The following PGK1 variants were observed in gnomAD, a reference collection of about 807,000 sequenced individuals.
PGK1 encodes the protein phosphoglycerate kinase 1, also known as PRP 2.
PGK1 carries 3 observed loss-of-function variants against 26.9 expected under a neutral mutation model. The ratio of observed to expected loss-of-function variants is 0.11; its 90% CI spans 0.05 to 0.29. PGK1 has a LOEUF of 0.29. PGK1 is among the 10% of genes least tolerant of loss of function. The pLI is 1.00. For missense variants in PGK1, 270 were observed against 314.7 expected (o/e 0.86, Z 1.07); for synonymous variants, 125 against 115.3 (o/e 1.08, Z -0.54).
At position 78,107,491 on chromosome X, in the gene PGK1, AT is replaced by A. The variant is rs782071524; in HGVS notation, c.66-2375del. On this transcript the variant is annotated intron_variant, in intron 1 of 10. Transcript: ENST00000373316. Reference sequence around the variant, plus strand: ...TACTATACAGATTGAATCACATGGTATATAACCTTTTGGGATTAACTTTTTT... The same window carrying A: ...TACTATACAGATTGAATCACATGGTAATAACCTTTTGGGATTAACTTTTTT... 1.7e-3 allele frequency among the ~76,000 whole-genome samples: 188 copies of A among 112,357 alleles called. 1 individual carries two copies. Among genetic ancestry groups the A allele is most frequent in the African/African-American group, 5.4e-3 (168 of 30,909 alleles).
chrX:78,106,191 A>G (rs1458367283), intron 1 of PGK1, among the ~76,000 whole-genome samples: 1 of 111,706 alleles, frequency 9.0e-6, no homozygotes, highest in African/African-American at 3.3e-5. Context: ...AAGCCTTGAA[A>G]TGATTGGCTA....
rs1204951685 is a variant in PGK1, at chrX:78,126,643, C to T, written c.*813C>T. 2.7e-5 allele frequency: 3 copies of T among 110,771 alleles called. No homozygotes were observed. Among genetic ancestry groups the T allele is most frequent in the Middle Eastern group, 9.3e-3 (2 of 214 alleles). 9.1% of individuals were successfully genotyped at this position (110,771 alleles called of 1,213,427 possible). A position where few individuals can be genotyped will look rare whatever the true frequency, so the allele number is the denominator to read the frequency against. On this transcript the variant is annotated 3_prime_UTR_variant, in exon 11 of 11. Transcript: ENST00000373316. ...CTAAGTAATATGCTTATATTGTTCA[C>T]TTCTTTTTTTTTTATTTTTTAAAGA...
chrX:78,125,721 G>A (rs2078380120), intron 10 of PGK1, 69 bp from the exon 11 acceptor site: 1 of 918,912 alleles, frequency 1.1e-6, no homozygotes, highest in East Asian at 3.1e-5. Flanking sequence ...GGAAGATAAA[G>A]TGGGGGAAAT....
At position 78,127,082 on chromosome X, in the gene PGK1, T is replaced by C. The variant is rs2078386887; in HGVS notation, c.*1252T>C. The C allele has an allele frequency of 8.9e-6, 1 of 112,693 alleles. No homozygotes were observed. Among genetic ancestry groups the C allele is most frequent in the Non-Finnish European group, 1.9e-5 (1 of 53,311 alleles). The allele number at this position is 112,693 out of a possible 1,213,427, so 9.3% of individuals were successfully genotyped here. On this transcript the variant is annotated 3_prime_UTR_variant, in exon 11 of 11. Coordinates refer to ENST00000373316, the MANE Select transcript of PGK1 (RefSeq NM_000291.4). ...AACCTTCTTGGGGATTTCTTTTACC[T>C]CCTGTGTTAGACTCCTGTTTTCTGG... is the stretch of plus-strand genomic sequence containing the variant.
At chrX:78,104,442 C>G (rs1569550708) in intron 1 of PGK1, 37 bp downstream of exon 1, 2 of 1,046,333 alleles carry the variant, frequency 1.9e-6, no homozygotes, top group Non-Finnish European at 2.7e-6. Context: ...TCTCTGTGCT[C>G]TGTCGCAAAC....
rs1557245942 is a variant in PGK1 at position 78,104,423 on chromosome X, C to T, written c.65+18C>T. On this transcript the variant is annotated intron_variant, in intron 1 of 10. Coordinates refer to ENST00000373316, the MANE Select transcript of PGK1 (RefSeq NM_000291.4). ...GTTATGAGGTAATTCTGCACGTTTGCCCGCGTGCTCTCTGTGCTCTGTCGC... is the reference window on the plus strand; with the variant it reads ...GTTATGAGGTAATTCTGCACGTTTGTCCGCGTGCTCTCTGTGCTCTGTCGC... The T allele has an allele frequency of 8.8e-7, 1 of 1,136,839 alleles. No homozygotes were observed. Among genetic ancestry groups the T allele is most frequent in the South Asian group, 1.8e-5 (1 of 54,986 alleles). The allele number at this position is 1,136,839 out of a possible 1,213,427, so 93.7% of individuals were successfully genotyped here.
intron 6 of PGK1, among the ~76,000 whole-genome samples, chrX:78,120,349 A>ATG (rs2078348194): frequency 1.1e-5 from 1 of 94,798 alleles, no homozygotes; most frequent in African/African-American, 4.1e-5. Flanking sequence ...ACACACACAC[A>ATG]TATATATACA....
chrX:78,123,181 G>A lies in PGK1; in HGVS notation c.757-14G>A, dbSNP rs200296998. On this transcript the variant is annotated splice_polypyrimidine_tract_variant and intron_variant, in intron 7 of 10. Transcript: ENST00000373316. ...ATAGATGCTGACCTCCATCATTTTGGCTCCCCTGTGTAGATTGGCACTTCT... is the reference window on the plus strand; with the variant it reads ...ATAGATGCTGACCTCCATCATTTTGACTCCCCTGTGTAGATTGGCACTTCT... The A allele has an allele frequency of 7.6e-6, 9 of 1,191,134 alleles. No individual in the cohort carries two copies. Among genetic ancestry groups the A allele is most frequent in the Middle Eastern group, 2.3e-4 (1 of 4,283 alleles).
At position 78,124,879 on chromosome X, in the gene PGK1, G is replaced by A; in HGVS notation, c.942G>A (p.Leu314=). The A allele has an allele frequency of 8.3e-7, 1 of 1,207,882 alleles. No homozygotes were observed. Among genetic ancestry groups the A allele is most frequent in the African/African-American group, 1.7e-5 (1 of 57,613 alleles). Residue 314 remains leucine (L), a synonymous_variant, in exon 9 of 11, where the codon TTG becomes TTA. Coordinates refer to ENST00000373316, the MANE Select transcript of PGK1 (RefSeq NM_000291.4). ...CTTTCACCTCTACCCCTCAGGGCTT[G>A]GACTGTGGTCCTGAAAGCAGCAAGA... is the stretch of plus-strand genomic sequence containing the variant. ...ASGIPAGWMG[L]DCGPESSKKY... is the part of the protein sequence containing the mutation.
intron 6 of PGK1, among the ~76,000 whole-genome samples, chrX:78,119,304 A>G (rs2060177044): frequency 8.9e-6 from 1 of 112,021 alleles, no homozygotes; most frequent in African/African-American, 3.2e-5. Flanking sequence ...TGATTTTCCA[A>G]TGGGTTAGTT....
chrX:78,117,764 G>A (rs1461763035), intron 5 of PGK1, among the ~76,000 whole-genome samples: 1 of 112,542 alleles, frequency 8.9e-6, no homozygotes, highest in Non-Finnish European at 1.9e-5. Context: ...ATCATCAACC[G>A]GCCAATTACT....
intron 8 of PGK1, among the ~76,000 whole-genome samples, chrX:78,123,816 T>G (rs782415024): frequency 2.8e-4 from 31 of 110,828 alleles, no homozygotes; most frequent in African/African-American, 9.8e-4. Context: ...ACCATGTTGG[T>G]CAGGATGATC....
chrX:78,106,772 T>G, intron 1 of PGK1: 1 of 210,840 alleles, frequency 4.7e-6, no homozygotes, highest in Non-Finnish European at 7.0e-6. Context: ...TTGAATACAC[T>G]TCTGCTTATT....
At position 78,124,934 on chromosome X, in the gene PGK1, C is replaced by G. The variant is rs781922586; in HGVS notation, c.997C>G (p.Gln333Glu). The part of the protein sequence containing the change: ...KYAEAVTRAK[Q>E]IVWNGPVGVF... ...TGCTGAGGCTGTCACTCGGGCTAAG[C>G]AGATTGTGTGGAATGGTCCTGTGGG... The change falls in exon 9 of 11, where the codon CAG becomes GAG. Residue 333 changes from glutamine (Q) to glutamate (E), a missense_variant. Coordinates refer to ENST00000373316, the MANE Select transcript of PGK1 (RefSeq NM_000291.4). 8.3e-7 allele frequency: 1 copy of G among 1,208,980 alleles called. No homozygotes were observed. The highest frequency in any genetic ancestry group is 1.1e-6 in the Non-Finnish European group (1 of 893,738).
intron 4 of PGK1, among the ~76,000 whole-genome samples, chrX:78,115,899 G>C (rs2078324440): frequency 9.0e-6 from 1 of 111,332 alleles, no homozygotes; most frequent in South Asian, 3.8e-4. Context: ...GCCCATGGTG[G>C]AGTGCAGTGG....
At chrX:78,104,986 G>C (rs1300736642) in intron 1 of PGK1, among the ~76,000 whole-genome samples, 2 of 112,459 alleles carry the variant, frequency 1.8e-5, no homozygotes, top group Admixed American at 9.3e-5. Flanking sequence ...CAGAGCTTAC[G>C]TAACAGGCGT....
Position 78,129,238 on chromosome X carries a change from T to TATCTATC in PGK1, c.*3409_*3415dup, listed in dbSNP as rs1342710513. 5.2e-4 allele frequency: 57 copies of TATCTATC among 109,812 alleles called. No individual in the cohort carries two copies. The highest frequency in any genetic ancestry group is 1.8e-3 in the African/African-American group (53 of 30,071). The allele number at this position is 109,812 out of a possible 1,213,427, so 9.0% of individuals were successfully genotyped here. ...GTGTGTACCTATCTATCTATCTATC[T>TATCTATC]ATCTATCTATCTATCTATCTATCTG... is the stretch of plus-strand genomic sequence containing the variant. On this transcript the variant is annotated 3_prime_UTR_variant, in exon 11 of 11. Transcript: ENST00000373316.
intron 2 of PGK1, among the ~76,000 whole-genome samples, chrX:78,113,402 T>TCA (rs1442655760): frequency 1.8e-5 from 2 of 112,047 alleles, no homozygotes; most frequent in African/African-American, 6.5e-5. Flanking sequence ...GAAGAGTGAA[T>TCA]AGCCCTTGTT....
At chrX:78,107,341 A>G (rs1479607178) in intron 1 of PGK1, among the ~76,000 whole-genome samples, 1 of 111,248 alleles carries the variant, frequency 9.0e-6, no homozygotes, top group Non-Finnish European at 1.9e-5. Flanking sequence ...ATCAAGATAC[A>G]GAACTATTAG....
Sources: gnomAD v4.1 joint callset for allele counts (sites outside exome capture counted in the v4.1 genomes callset) on GRCh38, gnomAD v4.1.1 for gene constraint, MANE v1.5 for transcripts, NCBI Gene and HGNC (gene_info 2026-07-23, HGNC 2026-07-21) for gene names.